The following THADA variants were observed in gnomAD, a reference collection of about 807,000 sequenced individuals.
THADA encodes THADA armadillo repeat containing.
A neutral mutation model predicts 219.8 loss-of-function variants in THADA; 213 were observed. The ratio of observed to expected loss-of-function variants is 0.97; its 90% confidence interval spans 0.87 to 1.09. The LOEUF (loss-of-function observed/expected upper bound fraction) is 1.09, where lower values mean the gene tolerates loss of function less well. Ranked by LOEUF, THADA falls within the 50% of genes least tolerant of loss-of-function variation. The probability of loss-of-function intolerance (pLI) is 0.00; values close to 1 mark genes in which losing one functional copy is unlikely to be tolerated. For missense variants in THADA, 2,956 were observed against 2,311.3 expected, an observed-to-expected ratio of 1.28 and a Z score of -5.72; for synonymous variants, 1,018 against 828.9, an observed-to-expected ratio of 1.23 and a Z score of -3.92.
At chr2:43,449,671 A>C (rs1682064667) in intron 26 of THADA, among the ~76,000 whole-genome samples, 1 of 152,186 alleles carries the variant, frequency 6.6e-6, no homozygotes, top group African/African-American at 2.4e-5. Flanking sequence ...TGGGAAGCTG[A>C]GGTGGGAGAA....
intron 21 of THADA, among the ~76,000 whole-genome samples, chr2:43,539,855 C>T (rs72867030): frequency 0.021 from 3,247 of 151,746 alleles, 125 homozygotes; most frequent in African/African-American, 0.072. Flanking sequence ...AATTTTAACA[C>T]GGCTGTCGCA....
At chr2:43,394,777 T>C (rs150950324) in intron 29 of THADA, among the ~76,000 whole-genome samples, 1 of 152,336 alleles carries the variant, frequency 6.6e-6, no homozygotes, top group East Asian at 1.9e-4. Context: ...TTGACTTCTT[T>C]TTCTCAACCA....
intron 25 of THADA, 129 bp downstream of exon 25, chr2:43,498,704 C>A: frequency 2.8e-6 from 3 of 1,072,692 alleles, no homozygotes; most frequent in South Asian, 2.1e-5. Flanking sequence ...TAGCTTGATC[C>A]AAAGATTTCT....
chr2:43,586,765 A>G, intron 5 of THADA, 31 bp from the exon 6 acceptor site: 1 of 1,611,064 alleles, frequency 6.2e-7, no homozygotes. Flanking sequence ...ACTGGTAAGG[A>G]GTTTCACGAC....
chr2:43,590,455 T>C (rs943182250), intron 4 of THADA, among the ~76,000 whole-genome samples: 1 of 151,658 alleles, frequency 6.6e-6, no homozygotes, highest in African/African-American at 2.4e-5. Flanking sequence ...AGAAGGCGGA[T>C]CACAAGGTCA....
At chr2:43,331,715 G>A (rs1251495456) in intron 30 of THADA, among the ~76,000 whole-genome samples, 1 of 152,122 alleles carries the variant, frequency 6.6e-6, no homozygotes, top group African/African-American at 2.4e-5. Flanking sequence ...ACTTTTTGGT[G>A]TTTCCAAATC....
chr2:43,309,269 T>C (rs1246101372), intron 31 of THADA, among the ~76,000 whole-genome samples: 2 of 152,236 alleles, frequency 1.3e-5, no homozygotes, highest in Non-Finnish European at 2.9e-5. Context: ...TGCAAAGTGG[T>C]AAACATTTTG....
At chr2:43,591,017 A>T in intron 3 of THADA, 63 bp from the exon 4 acceptor site, 1 of 1,503,644 alleles carries the variant, frequency 6.7e-7, no homozygotes, top group Non-Finnish European at 9.1e-7. Flanking sequence ...ACATGGTTAC[A>T]GATACTCTTT....
intron 26 of THADA, among the ~76,000 whole-genome samples, chr2:43,446,552 G>T (rs1448580029): frequency 6.6e-6 from 1 of 152,194 alleles, no homozygotes; most frequent in Non-Finnish European, 1.5e-5. Flanking sequence ...CCCAGCTGAG[G>T]TCTCAGATGA....
intron 36 of THADA, among the ~76,000 whole-genome samples, chr2:43,273,782 C>T (rs1408044405): frequency 6.6e-6 from 1 of 152,156 alleles, no homozygotes; most frequent in Non-Finnish European, 1.5e-5. Context: ...GCCTTTCTAT[C>T]TCTCTCCTCC....
intron 22 of THADA, among the ~76,000 whole-genome samples, chr2:43,525,785 G>A (rs143095622): frequency 0.011 from 1,709 of 152,232 alleles, 38 homozygotes; most frequent in African/African-American, 0.039. Context: ...TTCCTTCTAA[G>A]CATACATCAT....
intron 22 of THADA, among the ~76,000 whole-genome samples, chr2:43,522,882 C>A (rs1007164230): frequency 3.3e-5 from 5 of 151,998 alleles, no homozygotes; most frequent in African/African-American, 9.7e-5. Flanking sequence ...GATCGCGCCA[C>A]TGCAGTCCAG....
chr2:43,561,517 T>A (rs746015146), intron 15 of THADA, among the ~76,000 whole-genome samples: 56 of 152,168 alleles, frequency 3.7e-4, no homozygotes, highest in Admixed American at 7.2e-4. Context: ...GTGAAGAACA[T>A]TTAAAAACAT....
At chr2:43,425,442 T>TTGTGTG (rs1225795608) in intron 28 of THADA, among the ~76,000 whole-genome samples, 31 of 112,876 alleles carry the variant, frequency 2.7e-4, no homozygotes, top group South Asian at 1.9e-3. Flanking sequence ...CTTGTTAAAA[T>TTGTGTG]TGTATGTGTG....
At chr2:43,287,652 G>C (rs919826813) in intron 34 of THADA, among the ~76,000 whole-genome samples, 3 of 152,126 alleles carry the variant, frequency 2.0e-5, no homozygotes, top group African/African-American at 7.2e-5. Context: ...CATACATTTG[G>C]TCTGGTAAAG....
At position 43,287,010 on chromosome 2, in the gene THADA, A is replaced by T; in HGVS notation, c.5062T>A (p.Leu1688Met). ...ELKQWVQLVI[L>M]SCEDHLPTES... is the part of the protein sequence containing the mutation. ...GTAGGAAGATGGTCTTCACATGACA[A>T]GATGACCAGCTGAACCCACTGCTTC... The change falls in exon 35 of 38, where the codon TTG becomes ATG. Residue 1688 changes from leucine (L) to methionine (M), a missense_variant. Physicochemically the swap from Leu to Met is conservative, Grantham distance 15 (BLOSUM62 2). Coordinates refer to ENST00000405975, the MANE Select transcript of THADA (RefSeq NM_022065.5). 6.2e-7 allele frequency: 1 copy of T among 1,613,978 alleles called. No homozygotes were observed. The highest frequency in any genetic ancestry group is 8.5e-7 in the Non-Finnish European group (1 of 1,179,876).
At chr2:43,376,604 C>A (rs929499627) in intron 29 of THADA, among the ~76,000 whole-genome samples, 2 of 152,200 alleles carry the variant, frequency 1.3e-5, no homozygotes, top group Admixed American at 1.3e-4. Flanking sequence ...AAGACTCTTA[C>A]TAGGTTTCTG....
chr2:43,430,502 T>C (rs916850357), intron 26 of THADA, 200 bp from the exon 27 acceptor site: 6 of 549,288 alleles, frequency 1.1e-5, no homozygotes, highest in Admixed American at 5.7e-5. Context: ...TCTCAATCCA[T>C]GAACTTTTAT....
At chr2:43,288,340 G>A (rs1674294522) in intron 34 of THADA, among the ~76,000 whole-genome samples, 1 of 152,216 alleles carries the variant, frequency 6.6e-6, no homozygotes, top group Admixed American at 6.5e-5. Flanking sequence ...ACTGCTTGAA[G>A]CCAGGGGGCG....
Sources: gnomAD v4.1 joint callset for allele counts (sites outside exome capture counted in the v4.1 genomes callset) on GRCh38, gnomAD v4.1.1 for gene constraint, MANE v1.5 for transcripts, NCBI Gene and HGNC (gene_info 2026-07-23, HGNC 2026-07-21) for gene names.